JPH2: variants seen among roughly 807,000 people sequenced by gnomAD.
JPH2 encodes the protein junctophilin-2.
Under a neutral mutation model 55.9 loss-of-function variants are expected in JPH2, and 38 were observed. The ratio of observed to expected loss-of-function variants is 0.68; its 90% confidence interval spans 0.52 to 0.89. The LOEUF is 0.89. Among genes scored for constraint, JPH2 ranks in the 40% least tolerant of loss-of-function variants. JPH2 has a pLI of 0.00. For synonymous variants in JPH2, 480 were observed against 472.4 expected, an observed-to-expected ratio of 1.02 and a Z score of -0.21; for missense variants, 964 against 1,037.6, an observed-to-expected ratio of 0.93 and a Z score of 0.97.
chr20:44,126,509 T>C (rs2072278305), intron 2 of JPH2, among the ~76,000 whole-genome samples: 1 of 152,034 alleles, frequency 6.6e-6, no homozygotes, highest in Non-Finnish European at 1.5e-5. Flanking sequence ...CATCCCCAGC[T>C]CTGGCTGGTC....
chr20:44,158,328 G>A (rs1213800269), intron 2 of JPH2, among the ~76,000 whole-genome samples: 1 of 152,170 alleles, frequency 6.6e-6, no homozygotes, highest in Non-Finnish European at 1.5e-5. Flanking sequence ...AACTAGCACA[G>A]AGGGAAGAAA....
intron 4 of JPH2, 110 bp from the exon 5 acceptor site, chr20:44,114,986 A>C: frequency 1.2e-6 from 1 of 812,194 alleles, no homozygotes; most frequent in East Asian, 2.7e-5. Flanking sequence ...GACCTTCCTA[A>C]GAGCATTGCC....
At chr20:44,177,713 C>T (rs1466748253) in intron 1 of JPH2, 3 of 1,341,228 alleles carry the variant, frequency 2.2e-6, no homozygotes, top group East Asian at 6.3e-5. Context: ...ACTGGCAGGA[C>T]TCAAGGCAGA....
rs1404097055 is a variant in JPH2, at chr20:44,107,639, C to A, written c.*5879G>T. Among the ~76,000 whole-genome samples the A allele has an allele frequency of 1.3e-5, 2 of 152,172 alleles. No individual in the cohort carries two copies. The highest frequency in any genetic ancestry group is 2.9e-5 in the Non-Finnish European group (2 of 68,030). On this transcript the variant is annotated 3_prime_UTR_variant, in exon 6 of 6. Coordinates refer to ENST00000372980, the MANE Select transcript of JPH2 (RefSeq NM_020433.5). Reference sequence around the variant, plus strand: ...ATGATGAGGGACAGCTATTCTATGACAAACTTATATGGTGTATAGCAATTA... The same window carrying A: ...ATGATGAGGGACAGCTATTCTATGAAAAACTTATATGGTGTATAGCAATTA...
At position 44,110,574 on chromosome 20, in the gene JPH2, GCCA is replaced by G. The variant is rs926838720; in HGVS notation, c.*2941_*2943del. On this transcript the variant is annotated 3_prime_UTR_variant, in exon 6 of 6. Transcript: ENST00000372980. ...CAACTAGCTGGGTTTACAGGTACGC[GCCA>G]CCACACTTGGCTAATTTTTGTATTT... Among the ~76,000 whole-genome samples the G allele has an allele frequency of 1.3e-5, 2 of 151,966 alleles. No individual in the cohort carries two copies. The highest frequency in any genetic ancestry group is 2.9e-5 in the Non-Finnish European group (2 of 68,008).
intron 2 of JPH2, among the ~76,000 whole-genome samples, chr20:44,125,373 C>A (rs2072268400): frequency 6.6e-6 from 1 of 152,148 alleles, no homozygotes; most frequent in Non-Finnish European, 1.5e-5. Flanking sequence ...TAATATTAAT[C>A]TTGGTTATTT....
intron 2 of JPH2, among the ~76,000 whole-genome samples, chr20:44,133,183 T>C (rs1182236797): frequency 1.4e-5 from 2 of 143,050 alleles, no homozygotes; most frequent in Non-Finnish European, 3.0e-5. Context: ...ACATACCTTG[T>C]TAATTTTTCT....
chr20:44,162,593 C>T (rs2072618546), intron 1 of JPH2, among the ~76,000 whole-genome samples: 1 of 151,538 alleles, frequency 6.6e-6, no homozygotes, highest in South Asian at 2.1e-4. Context: ...CCTACATCTT[C>T]CTCCCATGCT....
At chr20:44,149,527 A>G (rs909131331) in intron 2 of JPH2, among the ~76,000 whole-genome samples, 1 of 152,174 alleles carries the variant, frequency 6.6e-6, no homozygotes, top group Non-Finnish European at 1.5e-5. Flanking sequence ...TTTGGGGTTT[A>G]GTGACAGGTG....
At chr20:44,186,205 G>A (rs917983482) in intron 1 of JPH2, 122 bp downstream of exon 1, 17 of 1,153,730 alleles carry the variant, frequency 1.5e-5, no homozygotes, top group South Asian at 2.9e-5. Context: ...AAACCACACA[G>A]CAAATCACTT....
At chr20:44,127,643 G>A (rs1310300734) in intron 2 of JPH2, among the ~76,000 whole-genome samples, 1 of 150,266 alleles carries the variant, frequency 6.7e-6, no homozygotes, top group Non-Finnish European at 1.5e-5. Flanking sequence ...CCGACACCAT[G>A]CCTGGCTGAT....
intron 2 of JPH2, among the ~76,000 whole-genome samples, chr20:44,155,959 C>A (rs1298911108): frequency 1.3e-5 from 2 of 151,634 alleles, no homozygotes; most frequent in East Asian, 3.9e-4. Context: ...TCACTTGAAT[C>A]CAGGAGATGG....
intron 2 of JPH2, among the ~76,000 whole-genome samples, chr20:44,133,148 A>G: frequency 8.6e-6 from 1 of 115,922 alleles, no homozygotes; most frequent in Non-Finnish European, 1.7e-5. Context: ...AACAGCTCCC[A>G]TGGCTGCTGG....
intron 2 of JPH2, among the ~76,000 whole-genome samples, chr20:44,147,161 A>T (rs187874083): frequency 1.3e-5 from 2 of 152,352 alleles, no homozygotes; most frequent in East Asian, 3.9e-4. Flanking sequence ...GTCAGGAGTC[A>T]GTCCCTTGCA....
At chr20:44,186,253 T>C in intron 1 of JPH2, 74 bp downstream of exon 1, 1 of 1,561,590 alleles carries the variant, frequency 6.4e-7, no homozygotes, top group Admixed American at 1.8e-5. Flanking sequence ...GCCGGTCGCC[T>C]TTCCCACCCT....
At chr20:44,118,765 C>CAGAAGACTCAGGAT in intron 2 of JPH2, 142 bp from the exon 3 acceptor site, 1 of 721,454 alleles carries the variant, frequency 1.4e-6, no homozygotes. Flanking sequence ...AGCCTCATGG[C>CAGAAGACTCAGGAT]CCAGACTGCT....
chr20:44,179,555 G>C (rs1381873795), intron 1 of JPH2, among the ~76,000 whole-genome samples: 1 of 152,138 alleles, frequency 6.6e-6, no homozygotes, highest in Non-Finnish European at 1.5e-5. Flanking sequence ...CCAGCTTCAT[G>C]GGTGCTGGAA....
At chr20:44,165,046 C>G (rs527255454) in intron 1 of JPH2, among the ~76,000 whole-genome samples, 2 of 152,046 alleles carry the variant, frequency 1.3e-5, no homozygotes, top group East Asian at 3.9e-4. Flanking sequence ...TCATGTTGGC[C>G]AGGCTGGTCT....
chr20:44,125,715 C>T (rs1300231495), intron 2 of JPH2, among the ~76,000 whole-genome samples: 1 of 152,200 alleles, frequency 6.6e-6, no homozygotes, highest in Non-Finnish European at 1.5e-5. Context: ...GGTGGAGTGG[C>T]AAAGAGGCGG....
Sources: gnomAD v4.1 joint callset for allele counts (sites outside exome capture counted in the v4.1 genomes callset) on GRCh38, gnomAD v4.1.1 for gene constraint, MANE v1.5 for transcripts, NCBI Gene and HGNC (gene_info 2026-07-23, HGNC 2026-07-21) for gene names.